The following DNAH11 variants were observed in gnomAD, a reference collection of about 807,000 sequenced individuals.
DNAH11 encodes the protein axonemal beta dynein heavy chain 11.
A neutral mutation model predicts 526.0 loss-of-function variants in DNAH11; 442 were observed. The ratio of observed to expected loss-of-function variants is 0.84; its 90% CI spans 0.78 to 0.91. DNAH11 has a LOEUF of 0.91. Among genes scored for constraint, DNAH11 ranks in the 40% least tolerant of loss-of-function variants. The pLI is 0.00. For synonymous variants in DNAH11, 2,461 were observed against 1,935.9 expected (o/e 1.27, Z -7.12); for missense variants, 6,989 against 5,448.7 (o/e 1.28, Z -8.90).
rs970065463 is a variant in DNAH11, at chr7:21,619,097, C to G, written c.4255-3C>G. 1 of 1,613,186 alleles carries G rather than the reference C, an allele frequency of 6.2e-7. No homozygotes were observed. The highest frequency in any genetic ancestry group is 8.5e-7 in the Non-Finnish European group (1 of 1,179,478). ...AAAGTCTAACTTTTTTTCCCCCAAT[C>G]AGGTCAAGTTTTTAATAAATGAAGC... On this transcript the variant is annotated splice_region_variant and splice_polypyrimidine_tract_variant and intron_variant, in intron 23 of 81. Coordinates refer to ENST00000409508, the MANE Select transcript of DNAH11 (RefSeq NM_001277115.2).
chr7:21,893,910 A>G (rs1784415129), intron 77 of DNAH11, among the ~76,000 whole-genome samples: 1 of 152,206 alleles, frequency 6.6e-6, no homozygotes, highest in Non-Finnish European at 1.5e-5. Context: ...TTATTTTTTG[A>G]GACAGTTTCA....
intron 60 of DNAH11, 137 bp from the exon 61 acceptor site, chr7:21,789,104 C>T (rs1788317886): frequency 3.1e-6 from 2 of 647,166 alleles, no homozygotes; most frequent in Non-Finnish European, 5.2e-6. Context: ...GTTTGAGCAA[C>T]ATGAGAAGAC....
intron 25 of DNAH11, among the ~76,000 whole-genome samples, chr7:21,630,082 G>A (rs764465484): frequency 6.6e-6 from 1 of 151,570 alleles, no homozygotes; most frequent in African/African-American, 2.4e-5. Flanking sequence ...ATCCATTACA[G>A]GTTTTTGCAT....
intron 2 of DNAH11, among the ~76,000 whole-genome samples, chr7:21,552,223 C>A (rs1291303602): frequency 1.3e-5 from 2 of 152,208 alleles, no homozygotes; most frequent in Non-Finnish European, 2.9e-5. Context: ...TGAAGGCCTG[C>A]TTTAGCTGTT....
At chr7:21,703,044 A>G (rs908056411) in intron 37 of DNAH11, among the ~76,000 whole-genome samples, 3 of 152,250 alleles carry the variant, frequency 2.0e-5, no homozygotes, top group African/African-American at 7.2e-5. Context: ...ATAGCCACAA[A>G]AAGTATTTTG....
At chr7:21,889,084 C>T (rs1334603638) in intron 76 of DNAH11, among the ~76,000 whole-genome samples, 1 of 151,650 alleles carries the variant, frequency 6.6e-6, no homozygotes, top group Non-Finnish European at 1.5e-5. Flanking sequence ...TATACCCCAG[C>T]CCATGGCAGC....
At chr7:21,600,604 A>G in intron 15 of DNAH11, 72 bp from the exon 16 acceptor site, 1 of 1,416,894 alleles carries the variant, frequency 7.1e-7, no homozygotes, top group African/African-American at 1.4e-5. Flanking sequence ...TACCTTGGTA[A>G]TGTTATGTTG....
At chr7:21,758,706 T>C (rs926079611) in intron 54 of DNAH11, among the ~76,000 whole-genome samples, 3 of 152,218 alleles carry the variant, frequency 2.0e-5, no homozygotes, top group Non-Finnish European at 2.9e-5. Context: ...TTATTTTATA[T>C]TGTAAAAGAA....
At chr7:21,835,622 T>C (rs897323163) in intron 65 of DNAH11, among the ~76,000 whole-genome samples, 4 of 152,050 alleles carry the variant, frequency 2.6e-5, no homozygotes, top group Admixed American at 1.3e-4. Flanking sequence ...CTCAAAACAA[T>C]AAAGGCCATA....
At chr7:21,761,131 G>A (rs990268972) in intron 54 of DNAH11, among the ~76,000 whole-genome samples, 2 of 152,100 alleles carry the variant, frequency 1.3e-5, no homozygotes, top group African/African-American at 2.4e-5. Context: ...ATAACCAACG[G>A]TTTCCAGACA....
intron 30 of DNAH11, among the ~76,000 whole-genome samples, chr7:21,679,480 C>T (rs755319440): frequency 2.6e-5 from 4 of 152,128 alleles, no homozygotes; most frequent in Admixed American, 1.3e-4. Flanking sequence ...CAAAATATCA[C>T]GTTGTATACC....
chr7:21,716,986 CCTT>C lies in DNAH11; in HGVS notation c.6984-786_6984-784del, dbSNP rs139875143. On this transcript the variant is annotated intron_variant, in intron 42 of 81. Transcript: ENST00000409508. Reference sequence around the variant, plus strand: ...GCTGAAATTGACCTGTGGTCATACTCCTTCTCTGCTGGCTGCTAAATGTATTTA... The same window carrying C: ...GCTGAAATTGACCTGTGGTCATACTCCTCTGCTGGCTGCTAAATGTATTTA... Among the ~76,000 whole-genome samples the C allele has an allele frequency of 8.6e-3, 1,314 of 152,192 alleles. 102 individuals are homozygous for C. In the East Asian group the frequency reaches 0.2, roughly 23 times the overall value.
At chr7:21,623,835 G>A (rs1306958525) in intron 25 of DNAH11, among the ~76,000 whole-genome samples, 1 of 151,396 alleles carries the variant, frequency 6.6e-6, no homozygotes, top group Admixed American at 6.6e-5. Context: ...GGAGGAGGGA[G>A]GGATAGCATT....
chr7:21,842,212 C>T (rs1483546470), intron 65 of DNAH11, among the ~76,000 whole-genome samples: 1 of 152,064 alleles, frequency 6.6e-6, no homozygotes, highest in Non-Finnish European at 1.5e-5. Flanking sequence ...GCAAGTTTAT[C>T]GATTACATCG....
At chr7:21,900,750 A>T (rs1378696618) in intron 81 of DNAH11, 2 of 330,790 alleles carry the variant, frequency 6.0e-6, no homozygotes, top group Non-Finnish European at 1.1e-5. Flanking sequence ...ATTCTCTTAG[A>T]ATCCCATTTC....
Position 21,727,142 on chromosome 7 carries a change from C to T in DNAH11, c.7440+1158C>T, listed in dbSNP as rs560143006. On this transcript the variant is annotated intron_variant, in intron 45 of 81. Coordinates refer to ENST00000409508, the MANE Select transcript of DNAH11 (RefSeq NM_001277115.2). ...TAGAGACGGGGTTTCACCGTGTTAG[C>T]CAGGATGATCTCGATCTCCTGACCT... Among the ~76,000 whole-genome samples the T allele has an allele frequency of 5.3e-5, 8 of 151,464 alleles. No homozygotes were observed. In the East Asian group the frequency reaches 1.4e-3, roughly 26 times the overall value.
At chr7:21,856,122 G>T (rs959145379) in intron 68 of DNAH11, among the ~76,000 whole-genome samples, 1 of 152,194 alleles carries the variant, frequency 6.6e-6, no homozygotes, top group Non-Finnish European at 1.5e-5. Flanking sequence ...AGCAAGAAAT[G>T]AATCTAGAGA....
intron 14 of DNAH11, 88 bp downstream of exon 14, chr7:21,591,665 C>T: frequency 7.6e-7 from 1 of 1,311,554 alleles, no homozygotes; most frequent in Non-Finnish European, 1.0e-6. Context: ...ATGTGGGACT[C>T]TTTTATCAAG....
intron 30 of DNAH11, among the ~76,000 whole-genome samples, chr7:21,674,258 C>T (rs1053710324): frequency 2.6e-5 from 4 of 152,008 alleles, no homozygotes; most frequent in Non-Finnish European, 5.9e-5. Flanking sequence ...GCTTCACCAT[C>T]TTGGCCAGAC....
Sources: gnomAD v4.1 joint callset for allele counts (sites outside exome capture counted in the v4.1 genomes callset) on GRCh38, gnomAD v4.1.1 for gene constraint, MANE v1.5 for transcripts, NCBI Gene and HGNC (gene_info 2026-07-23, HGNC 2026-07-21) for gene names.